DACH2: variants seen among roughly 807,000 people sequenced by gnomAD.
DACH2 encodes dachshund homolog 2.
DACH2 carries 17 observed loss-of-function variants against 35.8 expected under a neutral mutation model. The observed-to-expected ratio is 0.48, with a 90% CI of 0.33 to 0.71. The LOEUF (loss-of-function observed/expected upper bound fraction) is 0.71. DACH2 is among the 30% of genes least tolerant of loss of function. The pLI is 0.02. For synonymous variants in DACH2, 195 were observed against 177.3 expected (o/e 1.10, Z -0.79); for missense variants, 469 against 472.7 (o/e 0.99, Z 0.07).
At chrX:86,546,357 C>CTCTCCTTCTTCTTCT in intron 3 of DACH2, among the ~76,000 whole-genome samples, 2 of 50,068 alleles carry the variant, frequency 4.0e-5, no homozygotes, top group South Asian at 3.1e-3. Context: ...CTTCTTCTTC[C>CTCTCCTTCTTCTTCT]TCTTCTTCTT....
chrX:86,410,395 A>T (rs1056753215), intron 2 of DACH2, among the ~76,000 whole-genome samples: 1 of 111,574 alleles, frequency 9.0e-6, no homozygotes, highest in Non-Finnish European at 1.9e-5. Flanking sequence ...AGAAAATGTT[A>T]CTCTGGATGT....
At chrX:86,683,093 C>A (rs2040900673) in intron 4 of DACH2, among the ~76,000 whole-genome samples, 2 of 110,808 alleles carry the variant, frequency 1.8e-5, no homozygotes, top group Admixed American at 9.7e-5. Flanking sequence ...TAAATTCTTT[C>A]TTTTTTGTGT....
At chrX:86,404,420 AAG>A (rs945934287) in intron 2 of DACH2, among the ~76,000 whole-genome samples, 1 of 111,906 alleles carries the variant, frequency 8.9e-6, no homozygotes, top group Non-Finnish European at 1.9e-5. Flanking sequence ...GGCCAAAACA[AAG>A]AGCCTACAGG....
At chrX:86,810,559 A>G (rs1212470741) in intron 7 of DACH2, among the ~76,000 whole-genome samples, 4 of 111,891 alleles carry the variant, frequency 3.6e-5, no homozygotes, top group Non-Finnish European at 7.5e-5. Flanking sequence ...ATAAATATTG[A>G]TATATCATCA....
chrX:86,254,513 T>A (rs748813704), intron 1 of DACH2, among the ~76,000 whole-genome samples: 17 of 108,759 alleles, frequency 1.6e-4, no homozygotes, highest in Admixed American at 6.0e-4. Flanking sequence ...AATTCAAAAA[T>A]GACAGCTAAG....
intron 2 of DACH2, among the ~76,000 whole-genome samples, chrX:86,453,320 T>TA (rs2037415657): frequency 8.9e-6 from 1 of 112,309 alleles, no homozygotes; most frequent in Admixed American, 9.4e-5. Flanking sequence ...GTTCTGTCGA[T>TA]ATCAGATCCA....
At chrX:86,224,507 G>T (rs1229993097) in intron 1 of DACH2, among the ~76,000 whole-genome samples, 1 of 110,993 alleles carries the variant, frequency 9.0e-6, no homozygotes, top group Non-Finnish European at 1.9e-5. Context: ...TTCAGAATAA[G>T]ATTAATAGCC....
intron 1 of DACH2, among the ~76,000 whole-genome samples, chrX:86,326,026 G>A (rs2035107831): frequency 9.0e-6 from 1 of 110,982 alleles, no homozygotes; most frequent in Non-Finnish European, 1.9e-5. Context: ...CATCTATCAA[G>A]TTTTTGCATG....
chrX:86,175,678 G>T (rs760729814), intron 1 of DACH2, among the ~76,000 whole-genome samples: 2 of 111,378 alleles, frequency 1.8e-5, no homozygotes, highest in African/African-American at 6.5e-5. Flanking sequence ...GATGGGATCC[G>T]ATGTACAAGT....
chrX:86,311,737 T>A (rs1235427285), intron 1 of DACH2, among the ~76,000 whole-genome samples: 1 of 111,491 alleles, frequency 9.0e-6, no homozygotes, highest in Non-Finnish European at 1.9e-5. Context: ...GAAAGTTAAG[T>A]TCGGCACCTG....
chrX:86,777,507 C>A (rs2042047238), intron 7 of DACH2, among the ~76,000 whole-genome samples: 1 of 111,598 alleles, frequency 9.0e-6, no homozygotes, highest in Admixed American at 9.5e-5. Context: ...AAGTGACTCT[C>A]TATTTTCTGG....
At chrX:86,295,972 G>C (rs775147118) in intron 1 of DACH2, among the ~76,000 whole-genome samples, 1 of 110,971 alleles carries the variant, frequency 9.0e-6, no homozygotes, top group African/African-American at 3.3e-5. Context: ...ATCCTTTGGT[G>C]GGGAAAATGA....
chrX:86,626,792 G>T (rs912501460), intron 3 of DACH2, among the ~76,000 whole-genome samples: 3 of 112,747 alleles, frequency 2.7e-5, no homozygotes, highest in Non-Finnish European at 5.6e-5. Context: ...GAGATGCAGG[G>T]CACCAAGTCT....
rs373572453 is a variant in DACH2, at chrX:86,667,117, G to A, written c.772+15950G>A. Among the ~76,000 whole-genome samples the A allele has an allele frequency of 9.6e-4, 97 of 101,396 alleles. 1 individual carries two copies. The highest frequency in any genetic ancestry group is 9.9e-3 in the Middle Eastern group (2 of 203). 88.1% of individuals were successfully genotyped at this position (101,396 alleles called of 115,157 possible). The stretch of plus-strand genomic sequence containing the variant: ...AAAAAAAAAAAAAAATTAGCCTGGC[G>A]TGGTGGTGCACACCTGTAGTCCCAG... On this transcript the variant is annotated intron_variant, in intron 4 of 11. Transcript: ENST00000373125.
chrX:86,660,028 A>C (rs1398905379), intron 4 of DACH2, among the ~76,000 whole-genome samples: 2 of 111,122 alleles, frequency 1.8e-5, no homozygotes, highest in Admixed American at 1.9e-4. Context: ...GCCTCTGTCC[A>C]TGTTCAGTAC....
chrX:86,400,857 T>A (rs1278041370), intron 2 of DACH2, among the ~76,000 whole-genome samples: 1 of 112,321 alleles, frequency 8.9e-6, no homozygotes, highest in Non-Finnish European at 1.9e-5. Context: ...ATCTGCCCTT[T>A]CTGAGATCTC....
chrX:86,487,881 A>G (rs1377571898), intron 2 of DACH2, among the ~76,000 whole-genome samples: 1 of 111,881 alleles, frequency 8.9e-6, no homozygotes, highest in African/African-American at 3.2e-5. Flanking sequence ...CAAATAATGT[A>G]GAAGTTTAGA....
At chrX:86,201,689 G>A (rs2032161299) in intron 1 of DACH2, among the ~76,000 whole-genome samples, 1 of 111,101 alleles carries the variant, frequency 9.0e-6, no homozygotes, top group Non-Finnish European at 1.9e-5. Flanking sequence ...TTATTCAGTA[G>A]AATTCAGCTT....
intron 1 of DACH2, among the ~76,000 whole-genome samples, chrX:86,245,059 G>A (rs1602318490): frequency 8.9e-6 from 1 of 111,836 alleles, no homozygotes; most frequent in South Asian, 3.7e-4. Flanking sequence ...CAAAATTAAG[G>A]TTATTACAGA....
Sources: gnomAD v4.1 joint callset for allele counts (sites outside exome capture counted in the v4.1 genomes callset) on GRCh38, gnomAD v4.1.1 for gene constraint, MANE v1.5 for transcripts, NCBI Gene and HGNC (gene_info 2026-07-23, HGNC 2026-07-21) for gene names.